The following FGF13 variants were observed in gnomAD, a reference collection of about 807,000 sequenced individuals.
FGF13 encodes fibroblast growth factor homologous factor 2.
In FGF13, 2 loss-of-function variants were observed where a neutral mutation model predicts 19.5. The ratio of observed to expected loss-of-function variants is 0.10; its 90% CI spans 0.04 to 0.32. The LOEUF is 0.32. FGF13 is among the 10% of genes least tolerant of loss of function. FGF13 has a pLI of 1.00. For missense variants in FGF13, 113 were observed against 192.7 expected (o/e 0.59, Z 2.45); for synonymous variants, 72 against 76.9 (o/e 0.94, Z 0.33).
At chrX:138,955,617 C>G (rs2091837299) in intron 1 of FGF13, among the ~76,000 whole-genome samples, 1 of 111,981 alleles carries the variant, frequency 8.9e-6, no homozygotes, top group Non-Finnish European at 1.9e-5. Flanking sequence ...CTCTTAACCA[C>G]AACACCACAC....
At chrX:138,830,687 T>TTGTGTGTGTGTGTGTGTG (rs144759178) in intron 3 of FGF13, among the ~76,000 whole-genome samples, 2,109 of 87,471 alleles carry the variant, frequency 0.024, 48 homozygotes, top group Non-Finnish European at 0.038. Context: ...AAAGGGGTGT[T>TTGTGTGTGTGTGTGTGTG]TGTGTGTGTG....
chrX:139,158,416 T>C (rs891304935), intron 1 of FGF13, among the ~76,000 whole-genome samples: 3 of 109,856 alleles, frequency 2.7e-5, no homozygotes, highest in African/African-American at 6.6e-5. Context: ...ACACTCCAGC[T>C]TGGTGGGGGG....
intron 1 of FGF13, among the ~76,000 whole-genome samples, chrX:139,056,460 G>A (rs1272500044): frequency 8.9e-6 from 1 of 112,132 alleles, no homozygotes; most frequent in Non-Finnish European, 1.9e-5. Flanking sequence ...AATCTCCTTT[G>A]AAAAAATACA....
At chrX:139,148,604 TAAAAAA>T (rs754469846) in intron 1 of FGF13, among the ~76,000 whole-genome samples, 2 of 84,667 alleles carry the variant, frequency 2.4e-5, no homozygotes, top group East Asian at 3.6e-4. Flanking sequence ...GCCATTGGTT[TAAAAAA>T]AAAAAAAAAA....
intron 1 of FGF13, among the ~76,000 whole-genome samples, chrX:139,125,031 T>A (rs940380484): frequency 1.8e-5 from 2 of 111,905 alleles, no homozygotes; most frequent in African/African-American, 6.5e-5. Context: ...ACATAATATA[T>A]GTTTTTTGCT....
At chrX:139,193,782 T>C (rs2084351179) in intron 1 of FGF13, among the ~76,000 whole-genome samples, 1 of 111,573 alleles carries the variant, frequency 9.0e-6, no homozygotes, top group Non-Finnish European at 1.9e-5. Flanking sequence ...ATTTCCACTA[T>C]AGATAAAAAT....
intron 3 of FGF13, among the ~76,000 whole-genome samples, chrX:138,656,982 T>A (rs2089443831): frequency 8.9e-6 from 1 of 112,250 alleles, no homozygotes; most frequent in Non-Finnish European, 1.9e-5. Context: ...CTGATAGTAC[T>A]GAATGAAATA....
At chrX:138,818,499 G>C (rs3081638) in intron 3 of FGF13, among the ~76,000 whole-genome samples, 13 of 84,758 alleles carry the variant, frequency 1.5e-4, no homozygotes, top group African/African-American at 2.2e-4. Flanking sequence ...TATATGCACA[G>C]ACACACACAC....
chrX:138,822,532 T>A (rs1245823643), intron 3 of FGF13, among the ~76,000 whole-genome samples: 2 of 111,304 alleles, frequency 1.8e-5, no homozygotes, highest in Non-Finnish European at 3.8e-5. Flanking sequence ...GTGGTGAAGC[T>A]CCCAGGGATG....
chrX:138,665,523 T>G (rs1430992119), intron 3 of FGF13, among the ~76,000 whole-genome samples: 1 of 111,630 alleles, frequency 9.0e-6, no homozygotes, highest in Non-Finnish European at 1.9e-5. Flanking sequence ...AATATATCTT[T>G]CTGGCTGGGC....
intron 1 of FGF13, among the ~76,000 whole-genome samples, chrX:138,869,469 T>A (rs2091346339): frequency 8.9e-6 from 1 of 112,129 alleles, no homozygotes; most frequent in Non-Finnish European, 1.9e-5. Context: ...AAGACATGAG[T>A]CCTTGGATCC....
intron 1 of FGF13, among the ~76,000 whole-genome samples, chrX:138,926,412 G>A (rs1162220986): frequency 1.8e-5 from 2 of 112,077 alleles, no homozygotes; most frequent in African/African-American, 6.5e-5. Context: ...ATAATTAAAA[G>A]TATGGTATAA....
intron 1 of FGF13, among the ~76,000 whole-genome samples, chrX:139,073,360 A>G (rs1232337054): frequency 1.8e-5 from 2 of 111,104 alleles, no homozygotes; most frequent in African/African-American, 6.5e-5. Flanking sequence ...GTTGTGAGTA[A>G]GGGATAATAA....
intron 1 of FGF13, among the ~76,000 whole-genome samples, chrX:138,995,512 T>C (rs949057334): frequency 9.9e-5 from 11 of 111,659 alleles, no homozygotes; most frequent in Middle Eastern, 4.2e-3. Context: ...TTCTTTGTAT[T>C]CATATCTTCT....
chrX:138,939,082 G>T (rs1177579490), intron 1 of FGF13, among the ~76,000 whole-genome samples: 2 of 112,099 alleles, frequency 1.8e-5, no homozygotes, highest in Non-Finnish European at 3.8e-5. Context: ...AGTACTTGGA[G>T]AATAGAAATT....
chrX:139,098,745 G>A (rs1045098597), intron 1 of FGF13, among the ~76,000 whole-genome samples: 1 of 111,376 alleles, frequency 9.0e-6, no homozygotes, highest in Non-Finnish European at 1.9e-5. Flanking sequence ...GGGGAGGAAG[G>A]GAGAGGGACA....
chrX:139,160,898 C>T (rs372449753), intron 1 of FGF13, among the ~76,000 whole-genome samples: 3 of 111,860 alleles, frequency 2.7e-5, no homozygotes, highest in African/African-American at 9.7e-5. Flanking sequence ...GGATTCACAG[C>T]TGAATTCTAC....
intron 1 of FGF13, among the ~76,000 whole-genome samples, chrX:139,183,003 A>G (rs1163526472): frequency 1.8e-5 from 2 of 110,983 alleles, no homozygotes; most frequent in Admixed American, 9.6e-5. Flanking sequence ...CCACAAATAC[A>G]CACAGTTCCC....
At chrX:139,063,270 C>T (rs997281493) in intron 1 of FGF13, among the ~76,000 whole-genome samples, 2 of 111,620 alleles carry the variant, frequency 1.8e-5, no homozygotes, top group Non-Finnish European at 3.8e-5. Context: ...ATATTGATCC[C>T]ATACCCAGAA....
Sources: allele counts gnomAD v4.1 joint callset (sites outside exome capture counted in the v4.1 genomes callset), GRCh38; gene constraint gnomAD v4.1.1; transcripts MANE v1.5; gene names NCBI Gene and HGNC (gene_info 2026-07-23, HGNC 2026-07-21).